The following KLHL1 variants were observed in gnomAD, a reference collection of about 807,000 sequenced individuals.
The protein encoded by KLHL1 is kelch like family member 1, also known as kelch-like protein 1.
KLHL1 carries 47 observed loss-of-function variants against 77.7 expected under a neutral mutation model. The observed-to-expected ratio is 0.60, with a 90% CI of 0.48 to 0.77. The LOEUF is 0.77. Ranked by LOEUF, KLHL1 falls within the 30% of genes least tolerant of loss-of-function variation. KLHL1 has a pLI of 0.00. For missense variants in KLHL1, 925 were observed against 910.8 expected (o/e 1.02, Z -0.20); for synonymous variants, 360 against 325.2 (o/e 1.11, Z -1.15).
At chr13:70,035,354 C>G (rs968460907) in intron 1 of KLHL1, among the ~76,000 whole-genome samples, 11 of 151,964 alleles carry the variant, frequency 7.2e-5, no homozygotes, top group African/African-American at 2.7e-4. Context: ...TTCATATGTT[C>G]TCAATTGTTT....
At chr13:69,970,940 G>A (rs183268900) in intron 2 of KLHL1, among the ~76,000 whole-genome samples, 1 of 152,176 alleles carries the variant, frequency 6.6e-6, no homozygotes, top group East Asian at 1.9e-4. Context: ...TTCATTTCAT[G>A]CCTGGATTAA....
At chr13:69,852,376 T>A (rs1406955942) in intron 5 of KLHL1, among the ~76,000 whole-genome samples, 1 of 151,948 alleles carries the variant, frequency 6.6e-6, no homozygotes, top group Non-Finnish European at 1.5e-5. Context: ...CAGAAATACC[T>A]TGACACAAAT....
intron 1 of KLHL1, among the ~76,000 whole-genome samples, chr13:70,081,095 G>C (rs560768716): frequency 6.6e-6 from 1 of 152,124 alleles, no homozygotes; most frequent in East Asian, 1.9e-4. Context: ...ACACACATTT[G>C]ATTTAACAAG....
chr13:69,735,954 A>G (rs894249137), intron 8 of KLHL1, among the ~76,000 whole-genome samples: 3 of 152,192 alleles, frequency 2.0e-5, no homozygotes, highest in African/African-American at 7.2e-5. Context: ...TATTCATTGT[A>G]TATGTGTATC....
chr13:69,981,470 C>T (rs1884705396), intron 1 of KLHL1, among the ~76,000 whole-genome samples: 1 of 151,676 alleles, frequency 6.6e-6, no homozygotes, highest in South Asian at 2.1e-4. Context: ...ATAAAGAAAT[C>T]ACTCTTACAT....
chr13:69,749,642 T>C (rs1040209464), intron 7 of KLHL1, among the ~76,000 whole-genome samples: 1 of 151,968 alleles, frequency 6.6e-6, no homozygotes, highest in African/African-American at 2.4e-5. Flanking sequence ...ATAGAACACA[T>C]AACTATATCC....
rs1886240089 is a variant in KLHL1, at chr13:70,036,425, G to C, written c.498-60623C>G. On this transcript the variant is annotated intron_variant, in intron 1 of 10. Coordinates refer to ENST00000377844, the MANE Select transcript of KLHL1 (RefSeq NM_020866.3). ...TTTATTCCAATTAAATCCCCATTTT[G>C]TCCCAAATATAATAACTATCCTGAT... Among the ~76,000 whole-genome samples, 3 of 151,806 alleles carry C rather than the reference G, an allele frequency of 2.0e-5. No homozygotes were observed. The South Asian group carries it at 6.2e-4, about 32-fold the overall frequency.
intron 5 of KLHL1, among the ~76,000 whole-genome samples, chr13:69,861,914 A>G (rs1294361799): frequency 6.6e-6 from 1 of 151,050 alleles, no homozygotes; most frequent in Non-Finnish European, 1.5e-5. Flanking sequence ...GTGGTGAGCC[A>G]AGATCACACC....
At chr13:69,945,975 T>A (rs568538833) in intron 3 of KLHL1, among the ~76,000 whole-genome samples, 34 of 152,294 alleles carry the variant, frequency 2.2e-4, no homozygotes, top group African/African-American at 8.2e-4. Context: ...GCTTATTCAA[T>A]GGAATACTTC....
chr13:69,889,215 C>T (rs1881335856), intron 4 of KLHL1, among the ~76,000 whole-genome samples: 1 of 152,092 alleles, frequency 6.6e-6, no homozygotes, highest in Non-Finnish European at 1.5e-5. Flanking sequence ...GGGTTTAAAA[C>T]GAATTTTACT....
chr13:69,843,744 C>T (rs1193344823), intron 5 of KLHL1, among the ~76,000 whole-genome samples: 1 of 151,566 alleles, frequency 6.6e-6, no homozygotes, highest in Non-Finnish European at 1.5e-5. Context: ...GTATCTTCTA[C>T]TGAGGTTTAA....
At chr13:69,704,331 A>C (rs531731733) in intron 10 of KLHL1, among the ~76,000 whole-genome samples, 99 of 151,768 alleles carry the variant, frequency 6.5e-4, no homozygotes, top group African/African-American at 2.2e-3. Context: ...AAGCCCTCTA[A>C]ATATCTCTCC....
chr13:69,748,039 A>G (rs186675945), intron 7 of KLHL1, among the ~76,000 whole-genome samples: 4 of 152,178 alleles, frequency 2.6e-5, no homozygotes, highest in Admixed American at 1.3e-4. Context: ...AAAGTTTACC[A>G]TCTCTCTACT....
chr13:69,745,790 A>C (rs1213784337), intron 7 of KLHL1, among the ~76,000 whole-genome samples: 1 of 151,932 alleles, frequency 6.6e-6, no homozygotes, highest in Non-Finnish European at 1.5e-5. Context: ...AATTGTAAAC[A>C]TAAAAATTAA....
intron 8 of KLHL1, among the ~76,000 whole-genome samples, chr13:69,732,436 C>T (rs1395090886): frequency 6.6e-6 from 1 of 152,046 alleles, no homozygotes; most frequent in Non-Finnish European, 1.5e-5. Flanking sequence ...CATCCAGAAA[C>T]ATTTTGATTT....
chr13:69,829,242 G>T (rs1180268809), intron 6 of KLHL1, among the ~76,000 whole-genome samples: 1 of 149,824 alleles, frequency 6.7e-6, no homozygotes, highest in African/African-American at 2.5e-5. Flanking sequence ...ATGGCTGAGA[G>T]ACCTGAAGAC....
chr13:69,913,393 G>T lies in KLHL1; in HGVS notation c.1014+26647C>A, dbSNP rs145288884. Among the ~76,000 whole-genome samples, 808 of 152,272 alleles carry T rather than the reference G, an allele frequency of 5.3e-3. 10 individuals are homozygous for T. The highest frequency in any genetic ancestry group is 0.018 in the African/African-American group (747 of 41,558). ...TGCACTACCATGGCCACTGCTCCTT[G>T]CTCAGCAGGGGAGAGGCATGGGGCA... On this transcript the variant is annotated intron_variant, in intron 4 of 10. Coordinates refer to ENST00000377844, the MANE Select transcript of KLHL1 (RefSeq NM_020866.3).
intron 1 of KLHL1, among the ~76,000 whole-genome samples, chr13:70,036,834 T>G (rs1282140223): frequency 1.4e-5 from 1 of 70,558 alleles, no homozygotes; most frequent in Non-Finnish European, 3.0e-5. Context: ...AATGCCATGG[T>G]CTTTTTTTTT....
At chr13:69,855,991 A>C (rs1171993633) in intron 5 of KLHL1, among the ~76,000 whole-genome samples, 1 of 147,494 alleles carries the variant, frequency 6.8e-6, no homozygotes, top group East Asian at 2.0e-4. Context: ...TTTATATATT[A>C]TATATATAAT....
Sources: gnomAD v4.1 joint callset for allele counts (sites outside exome capture counted in the v4.1 genomes callset) on GRCh38, gnomAD v4.1.1 for gene constraint, MANE v1.5 for transcripts, NCBI Gene and HGNC (gene_info 2026-07-23, HGNC 2026-07-21) for gene names.